Variants in NAALADL2 observed in about 807,000 individuals in gnomAD.
NAALADL2 encodes inactive N-acetylated-alpha-linked acidic dipeptidase-like protein 2.
A neutral mutation model predicts 87.2 loss-of-function variants in NAALADL2; 76 were observed. That is an observed-to-expected ratio of 0.87 (90% CI 0.72 to 1.05). The LOEUF (loss-of-function observed/expected upper bound fraction) is 1.05. Ranked by LOEUF, NAALADL2 falls within the 50% of genes least tolerant of loss-of-function variation. NAALADL2 has a pLI of 0.00. For synonymous variants in NAALADL2, 354 were observed against 331.0 expected (o/e 1.07, Z -0.75); for missense variants, 1,089 against 945.8 (o/e 1.15, Z -1.99).
At chr3:175,514,136 G>T (rs920986282) in intron 9 of NAALADL2, among the ~76,000 whole-genome samples, 1 of 152,274 alleles carries the variant, frequency 6.6e-6, no homozygotes, top group Non-Finnish European at 1.5e-5. Flanking sequence ...GATTAATGTG[G>T]TAAATGCAGC....
At chr3:175,578,320 T>C (rs930197152) in intron 10 of NAALADL2, among the ~76,000 whole-genome samples, 2 of 151,818 alleles carry the variant, frequency 1.3e-5, no homozygotes, top group African/African-American at 4.8e-5. Context: ...CTACTGGGGA[T>C]GGTGGGGAGG....
chr3:174,598,023 C>G (rs1718087452), intron 2 of NAALADL2, among the ~76,000 whole-genome samples: 2 of 152,260 alleles, frequency 1.3e-5, no homozygotes, highest in South Asian at 4.1e-4. Flanking sequence ...TAATCTCTCT[C>G]TTTATTCCTC....
At chr3:174,871,872 C>T (rs763260873) in intron 1 of NAALADL2, among the ~76,000 whole-genome samples, 3 of 151,970 alleles carry the variant, frequency 2.0e-5, no homozygotes, top group Admixed American at 6.6e-5. Context: ...GTACTCCAGC[C>T]GGGGTGACAG....
chr3:175,238,815 C>G (rs79768569), intron 3 of NAALADL2, among the ~76,000 whole-genome samples: 5,392 of 152,200 alleles, frequency 0.035, 122 homozygotes, highest in Middle Eastern at 0.061. Flanking sequence ...AGGCATGCCT[C>G]TTTTTTTGAT....
chr3:174,719,091 G>A (rs1388597020), intron 2 of NAALADL2, among the ~76,000 whole-genome samples: 1 of 152,012 alleles, frequency 6.6e-6, no homozygotes, highest in African/African-American at 2.4e-5. Context: ...AAGAAAGGTG[G>A]TTTATATTCA....
intron 3 of NAALADL2, among the ~76,000 whole-genome samples, chr3:174,823,469 C>G (rs1472565229): frequency 6.6e-6 from 1 of 152,090 alleles, no homozygotes; most frequent in Non-Finnish European, 1.5e-5. Flanking sequence ...TATACAGCAA[C>G]ATAAATTAAA....
At chr3:175,585,950 G>T (rs1176326041) in intron 10 of NAALADL2, among the ~76,000 whole-genome samples, 1 of 152,062 alleles carries the variant, frequency 6.6e-6, no homozygotes, top group Non-Finnish European at 1.5e-5. Flanking sequence ...AATATTTTTA[G>T]ATTTGAAAAT....
At chr3:174,506,628 T>A (rs141358061) in intron 1 of NAALADL2, among the ~76,000 whole-genome samples, 57 of 152,300 alleles carry the variant, frequency 3.7e-4, no homozygotes, top group African/African-American at 1.2e-3. Context: ...AATTTTAAAA[T>A]TAAAAATGAT....
intron 10 of NAALADL2, among the ~76,000 whole-genome samples, chr3:175,612,448 A>G (rs1485546742): frequency 6.6e-6 from 1 of 152,196 alleles, no homozygotes; most frequent in Non-Finnish European, 1.5e-5. Flanking sequence ...TCATGATATA[A>G]AGGTACTCTC....
chr3:175,410,650 A>G (rs540056434), intron 5 of NAALADL2, among the ~76,000 whole-genome samples: 1 of 152,290 alleles, frequency 6.6e-6, no homozygotes, highest in African/African-American at 2.4e-5. Context: ...GAATTTTAAC[A>G]TATTTACATG....
intron 2 of NAALADL2, among the ~76,000 whole-genome samples, chr3:175,160,626 A>G (rs1733056972): frequency 6.6e-6 from 1 of 152,046 alleles, no homozygotes; most frequent in Non-Finnish European, 1.5e-5. Context: ...TGCTGGGATT[A>G]CAGGCGTGAG....
chr3:175,527,450 A>T (rs559702387), intron 9 of NAALADL2, among the ~76,000 whole-genome samples: 2 of 152,312 alleles, frequency 1.3e-5, no homozygotes, highest in African/African-American at 4.8e-5. Flanking sequence ...TATACTTGAG[A>T]AATTATTGTT....
intron 10 of NAALADL2, among the ~76,000 whole-genome samples, chr3:175,581,622 A>C (rs1719799126): frequency 6.6e-6 from 1 of 152,218 alleles, no homozygotes; most frequent in South Asian, 2.1e-4. Flanking sequence ...AATGAGTATT[A>C]GTTTCCTAAA....
At position 174,887,654 on chromosome 3, in the gene NAALADL2, G is replaced by A. The variant is rs778240248; in HGVS notation, c.43+28204G>A. On this transcript the variant is annotated intron_variant, in intron 1 of 13. Transcript: ENST00000454872. ...TACAAAAAACTTAAAAAAATTAGTC[G>A]GGCTTGGTGGTGCACACCTGTAGTT... Among the ~76,000 whole-genome samples the A allele has an allele frequency of 5.9e-5, 9 of 152,078 alleles. No individual in the cohort carries two copies. The South Asian group carries it at 1.5e-3, about 25-fold the overall frequency.
chr3:175,447,305 A>G lies in NAALADL2; in HGVS notation c.1167A>G (p.Lys389=), dbSNP rs1720862305. 6.2e-7 allele frequency: 1 copy of G among 1,606,620 alleles called. No homozygotes were observed. Among genetic ancestry groups the G allele is most frequent in the Non-Finnish European group, 8.5e-7 (1 of 1,175,960 alleles). The change falls in exon 6 of 14, where the codon AAA becomes AAG. Residue 389 remains lysine, a synonymous_variant. Transcript: ENST00000454872. ...CCATCTCTGCACCCCTCGTTGCAAA[A>G]CTGATCTCTTCGCCAAAAGCTAGAA... The part of the protein sequence containing the change: ...VQPISAPLVA[K]LISSPKARTK...
At chr3:175,411,815 T>G (rs1196983378) in intron 5 of NAALADL2, among the ~76,000 whole-genome samples, 1 of 152,078 alleles carries the variant, frequency 6.6e-6, no homozygotes, top group Non-Finnish European at 1.5e-5. Context: ...TGGTCAATGT[T>G]TGTGTTCAAC....
chr3:175,046,926 C>T (rs1754753987), intron 1 of NAALADL2, among the ~76,000 whole-genome samples: 1 of 152,130 alleles, frequency 6.6e-6, no homozygotes, highest in Admixed American at 6.6e-5. Context: ...ATGTATGTTT[C>T]ACAGTTCTGA....
chr3:175,133,691 T>G (rs7634633), intron 2 of NAALADL2, among the ~76,000 whole-genome samples: 5 of 151,962 alleles, frequency 3.3e-5, no homozygotes, highest in East Asian at 3.9e-4. Flanking sequence ...AGCTTCGGCT[T>G]GGCATCAGAG....
intron 3 of NAALADL2, among the ~76,000 whole-genome samples, chr3:174,802,647 G>A (rs536087162): frequency 5.8e-4 from 88 of 152,138 alleles, no homozygotes; most frequent in African/African-American, 1.7e-3. Flanking sequence ...ACCACCTCCC[G>A]ACAGGCCCCG....
Sources: gnomAD v4.1 joint callset for allele counts (sites outside exome capture counted in the v4.1 genomes callset) on GRCh38, gnomAD v4.1.1 for gene constraint, MANE v1.5 for transcripts, NCBI Gene and HGNC (gene_info 2026-07-23, HGNC 2026-07-21) for gene names.